ITPR1: variants seen among roughly 807,000 people sequenced by gnomAD.
ITPR1 encodes the protein inositol 1,4,5-trisphosphate receptor type 1.
Under a neutral mutation model 318.4 loss-of-function variants are expected in ITPR1, and 96 were observed. The ratio of observed to expected loss-of-function variants is 0.30; its 90% CI spans 0.26 to 0.36. ITPR1 has a LOEUF of 0.36. Ranked by LOEUF, ITPR1 falls within the 10% of genes least tolerant of loss-of-function variation. ITPR1 has a pLI of 1.00. For synonymous variants in ITPR1, 1,312 were observed against 1,289.9 expected (o/e 1.02, Z -0.37); for missense variants, 2,440 against 3,460.2 (o/e 0.71, Z 7.40).
intron 44 of ITPR1, among the ~76,000 whole-genome samples, chr3:4,747,921 GC>G (rs1274976505): frequency 3.3e-5 from 5 of 152,230 alleles, no homozygotes; most frequent in Admixed American, 2.0e-4. Context: ...TTAGATCTCA[GC>G]TTTTGCCCGT....
chr3:4,846,519 G>T lies in ITPR1; in HGVS notation c.*294G>T, dbSNP rs1159049683. On this transcript the variant is annotated 3_prime_UTR_variant, in exon 62 of 62. Coordinates refer to ENST00000649015, the MANE Select transcript of ITPR1 (RefSeq NM_001378452.1). ...CTTGAACCAGATTATAGATTTAAAA[G>T]TATATGACATGTATTTTGTATTTAA... 1 of 229,672 alleles carries T rather than the reference G, an allele frequency of 4.4e-6. No homozygotes were observed. The highest frequency in any genetic ancestry group is 2.3e-5 in the African/African-American group (1 of 44,178). The allele number at this position is 229,672 out of a possible 1,614,324, so 14.2% of individuals were successfully genotyped here.
At chr3:4,566,623 C>CACACAG (rs1163477494) in intron 4 of ITPR1, among the ~76,000 whole-genome samples, 3 of 129,300 alleles carry the variant, frequency 2.3e-5, no homozygotes, top group East Asian at 1.9e-4. Flanking sequence ...CACACACACA[C>CACACAG]ACACACACAC....
intron 4 of ITPR1, among the ~76,000 whole-genome samples, chr3:4,623,337 C>T (rs759815665): frequency 3.3e-5 from 5 of 152,238 alleles, no homozygotes; most frequent in Non-Finnish European, 5.9e-5. Flanking sequence ...TTCTCCTTTG[C>T]TAACTCAATG....
At chr3:4,841,936 G>C (rs934238946) in intron 61 of ITPR1, among the ~76,000 whole-genome samples, 8 of 152,118 alleles carry the variant, frequency 5.3e-5, no homozygotes, top group African/African-American at 1.9e-4. Flanking sequence ...GATTTTATAG[G>C]GCTGTAGAAA....
chr3:4,761,165 T>C (rs2045415299), intron 44 of ITPR1, among the ~76,000 whole-genome samples: 1 of 151,960 alleles, frequency 6.6e-6, no homozygotes, highest in East Asian at 1.9e-4. Flanking sequence ...ATTCAGGAGG[T>C]AAATGTGCAG....
chr3:4,741,361 C>A (rs2043688915), intron 44 of ITPR1, among the ~76,000 whole-genome samples: 1 of 152,158 alleles, frequency 6.6e-6, no homozygotes, highest in Admixed American at 6.5e-5. Context: ...TTTCATGTAT[C>A]AAATGGCTGC....
chr3:4,578,505 C>T (rs868239684), intron 4 of ITPR1, among the ~76,000 whole-genome samples: 2 of 151,778 alleles, frequency 1.3e-5, no homozygotes, highest in South Asian at 4.2e-4. Flanking sequence ...TGTGCATATA[C>T]ATATATATAG....
chr3:4,744,179 G>A (rs949433146), intron 44 of ITPR1, among the ~76,000 whole-genome samples: 2 of 152,148 alleles, frequency 1.3e-5, no homozygotes, highest in Non-Finnish European at 1.5e-5. Context: ...AGAACCTCAG[G>A]TTTTCCACAG....
chr3:4,519,238 T>C (rs2124923526), intron 3 of ITPR1, among the ~76,000 whole-genome samples: 1 of 152,240 alleles, frequency 6.6e-6, no homozygotes, highest in African/African-American at 2.4e-5. Context: ...TTTATTTTTT[T>C]TTTTCTTGAG....
At chr3:4,715,850 C>A (rs999554450) in intron 39 of ITPR1, among the ~76,000 whole-genome samples, 2 of 152,126 alleles carry the variant, frequency 1.3e-5, no homozygotes, top group African/African-American at 4.8e-5. Context: ...AAGACTCCAT[C>A]TCAAAACAAC....
chr3:4,680,114 A>G (rs1410748843), intron 24 of ITPR1, among the ~76,000 whole-genome samples: 3 of 152,228 alleles, frequency 2.0e-5, no homozygotes, highest in South Asian at 4.1e-4. Context: ...GAAACAGGAA[A>G]TAGGAACCAA....
rs754818677 is a variant in ITPR1 at position 4,806,086 on chromosome 3, C to T, written c.7108-17C>T. The T allele has an allele frequency of 2.7e-5, 43 of 1,607,724 alleles. No individual in the cohort carries two copies. The South Asian group carries it at 4.4e-4, about 17-fold the overall frequency. ...GCACAGTCCGTGCCATCTGACTGTT[C>T]CTGTCATTGTTCTCAGGTATGCAAT... On this transcript the variant is annotated splice_polypyrimidine_tract_variant and intron_variant, in intron 54 of 61. Coordinates refer to ENST00000649015, the MANE Select transcript of ITPR1 (RefSeq NM_001378452.1).
chr3:4,664,801 C>T (rs73807112), intron 16 of ITPR1, among the ~76,000 whole-genome samples: 1 of 152,074 alleles, frequency 6.6e-6, no homozygotes, highest in Non-Finnish European at 1.5e-5. Flanking sequence ...TAAGGAAATG[C>T]GGGTTTACTT....
chr3:4,552,174 G>C (rs769734123), intron 4 of ITPR1, among the ~76,000 whole-genome samples: 1 of 152,148 alleles, frequency 6.6e-6, no homozygotes, highest in Non-Finnish European at 1.5e-5. Context: ...CAAACGGGGT[G>C]GGGGAAATTC....
intron 36 of ITPR1, among the ~76,000 whole-genome samples, chr3:4,705,927 T>A (rs2094747474): frequency 6.6e-6 from 1 of 152,224 alleles, no homozygotes. Context: ...CCTGGCCTTA[T>A]GACCTGAGAG....
intron 4 of ITPR1, among the ~76,000 whole-genome samples, chr3:4,607,727 C>T (rs541621006): frequency 6.6e-6 from 1 of 152,086 alleles, no homozygotes; most frequent in South Asian, 2.1e-4. Flanking sequence ...CTCTGGTGCG[C>T]TGAGTTGCTT....
At chr3:4,549,414 T>C (rs1575495560) in intron 4 of ITPR1, among the ~76,000 whole-genome samples, 1 of 152,338 alleles carries the variant, frequency 6.6e-6, no homozygotes, top group Middle Eastern at 3.4e-3. Context: ...GACAGCCTCA[T>C]TGTAAATGAA....
intron 52 of ITPR1, 99 bp from the exon 53 acceptor site, chr3:4,794,966 T>A: frequency 4.5e-6 from 6 of 1,335,246 alleles, no homozygotes; most frequent in Non-Finnish European, 6.0e-6. Flanking sequence ...GGAACAAAAG[T>A]GGACTTGTGG....
At chr3:4,728,128 G>A (rs1390528263) in intron 42 of ITPR1, among the ~76,000 whole-genome samples, 1 of 152,220 alleles carries the variant, frequency 6.6e-6, no homozygotes. Flanking sequence ...ATGAATGTGT[G>A]CATCTTTGAA....
Sources: allele counts gnomAD v4.1 joint callset (sites outside exome capture counted in the v4.1 genomes callset), GRCh38; gene constraint gnomAD v4.1.1; transcripts MANE v1.5; gene names NCBI Gene and HGNC (gene_info 2026-07-23, HGNC 2026-07-21).